The following NME7 variants were observed in gnomAD, a reference collection of about 807,000 sequenced individuals.
NME7 encodes the protein NME/NM23 family member 7, also known as nucleoside diphosphate kinase 7.
NME7 carries 41 observed loss-of-function variants against 49.1 expected under a neutral mutation model. The ratio of observed to expected loss-of-function variants is 0.83; its 90% CI spans 0.65 to 1.08. The LOEUF (loss-of-function observed/expected upper bound fraction) is 1.08, where lower values mean the gene tolerates loss of function less well. Among genes scored for constraint, NME7 ranks in the 50% least tolerant of loss-of-function variants. The probability of loss-of-function intolerance (pLI) is 0.00; values close to 1 mark genes in which losing one functional copy is unlikely to be tolerated. For synonymous variants in NME7, 139 were observed against 150.6 expected (o/e 0.92, Z 0.56); for missense variants, 423 against 463.4 (o/e 0.91, Z 0.80).
chr1:169,353,181 T>C (rs1653243940), intron 1 of NME7, among the ~76,000 whole-genome samples: 1 of 152,072 alleles, frequency 6.6e-6, no homozygotes, highest in Non-Finnish European at 1.5e-5. Context: ...AGCGTGGTAC[T>C]GGCATAAAAA....
chr1:169,136,562 C>T (rs970112994), intron 11 of NME7, among the ~76,000 whole-genome samples: 2 of 152,150 alleles, frequency 1.3e-5, no homozygotes, highest in African/African-American at 4.8e-5. Flanking sequence ...GAAATTTTTA[C>T]TTTTGTACTT....
intron 10 of NME7, among the ~76,000 whole-genome samples, chr1:169,207,363 A>C (rs957453393): frequency 1.3e-5 from 2 of 152,094 alleles, no homozygotes; most frequent in African/African-American, 2.4e-5. Context: ...GCTGAGAATC[A>C]CATTTCAATA....
rs10689301 is a variant in NME7 at position 169,150,763 on chromosome 1, G to GAAAAAAAAAA, written c.1099-17956_1099-17947dup. Among the ~76,000 whole-genome samples, 13 of 124,332 alleles carry GAAAAAAAAAA rather than the reference G, an allele frequency of 1.0e-4. 2 individuals carry two copies. The highest frequency in any genetic ancestry group is 2.1e-4 in the African/African-American group (7 of 33,014). 81.6% of individuals were successfully genotyped at this position (124,332 alleles called of 152,430 possible). On this transcript the variant is annotated intron_variant, in intron 11 of 11. Coordinates refer to ENST00000367811, the MANE Select transcript of NME7 (RefSeq NM_013330.5). The stretch of plus-strand genomic sequence containing the variant: ...ATGATGAGAAGAGAGGCTGGAAAAG[G>GAAAAAAAAAA]AAAAAAAAAAAAAAAAGAGGAGCAA...
chr1:169,142,061 T>C (rs1303634202), intron 11 of NME7, among the ~76,000 whole-genome samples: 1 of 152,184 alleles, frequency 6.6e-6, no homozygotes, highest in Non-Finnish European at 1.5e-5. Flanking sequence ...GAGGAGAAGC[T>C]GGGGATTTGA....
intron 7 of NME7, among the ~76,000 whole-genome samples, chr1:169,262,398 T>C (rs1011586299): frequency 7.4e-6 from 1 of 134,478 alleles, no homozygotes; most frequent in Admixed American, 7.3e-5. Flanking sequence ...CTTTTTAGCC[T>C]CTATTTCTTA....
rs376423733 is a variant in NME7 at position 169,310,110 on chromosome 1, A to T, written c.279-30T>A. Reference sequence around the variant, plus strand: ...AAGGAAACAAAAAATAAGTTTGCAAATAAAAATAGTTCAACAGTTTTTATT... The same window carrying T: ...AAGGAAACAAAAAATAAGTTTGCAATTAAAAATAGTTCAACAGTTTTTATT... On this transcript the variant is annotated intron_variant, in intron 3 of 11. Transcript: ENST00000367811. The T allele has an allele frequency of 1.1e-5, 15 of 1,340,004 alleles. No individual in the cohort carries two copies. In the East Asian group the frequency reaches 3.5e-4, roughly 31 times the overall value. The allele number at this position is 1,340,004 out of a possible 1,614,324, so 83.0% of individuals were successfully genotyped here. A position where few individuals can be genotyped will look rare whatever the true frequency, so the allele number is the denominator to read the frequency against.
intron 7 of NME7, among the ~76,000 whole-genome samples, chr1:169,278,323 C>A (rs974290691): frequency 6.6e-6 from 1 of 151,810 alleles, no homozygotes; most frequent in Non-Finnish European, 1.5e-5. Flanking sequence ...TTCAGGTACA[C>A]CAATCAGACA....
chr1:169,255,672 A>G (rs1337937994), intron 7 of NME7, among the ~76,000 whole-genome samples: 1 of 127,062 alleles, frequency 7.9e-6, no homozygotes, highest in African/African-American at 2.7e-5. Flanking sequence ...TGGTCTTTAC[A>G]TTTTGGCATG....
At chr1:169,270,121 T>A (rs1240304720) in intron 7 of NME7, among the ~76,000 whole-genome samples, 1 of 134,028 alleles carries the variant, frequency 7.5e-6, no homozygotes, top group African/African-American at 2.5e-5. Flanking sequence ...AATAATAGAA[T>A]AACTGGGTTT....
chr1:169,197,372 C>A (rs1278079684), intron 10 of NME7, among the ~76,000 whole-genome samples: 1 of 151,714 alleles, frequency 6.6e-6, no homozygotes, highest in Non-Finnish European at 1.5e-5. Flanking sequence ...GCTCTATAAT[C>A]ATGACTAAAA....
chr1:169,364,091 T>A (rs12057602), intron 1 of NME7, among the ~76,000 whole-genome samples: 20,329 of 152,262 alleles, frequency 0.13, 2,793 homozygotes, highest in East Asian at 0.79. Flanking sequence ...ATTTGCCCCC[T>A]ATTACTTTGT....
In NME7 at chr1:169,323,285, T is replaced by TA. The variant is rs1306606650; in HGVS notation, c.112-3dup. On this transcript the variant is annotated splice_polypyrimidine_tract_variant and splice_region_variant and intron_variant, in intron 2 of 11. Transcript: ENST00000367811. ...GGTGCGATGATTCTTTACATCATGCTAGAACCAGACACAACAATATAACAA... is the reference window on the plus strand; with the variant it reads ...GGTGCGATGATTCTTTACATCATGCTAAGAACCAGACACAACAATATAACAA... The TA allele has an allele frequency of 2.5e-6, 4 of 1,583,332 alleles. No individual in the cohort carries two copies. The Admixed American group carries it at 5.4e-5, about 22-fold the overall frequency.
At chr1:169,338,064 T>C (rs569774155) in intron 1 of NME7, among the ~76,000 whole-genome samples, 1 of 152,324 alleles carries the variant, frequency 6.6e-6, no homozygotes, top group Non-Finnish European at 1.5e-5. Flanking sequence ...ACTTAGCATT[T>C]CTCATTAATA....
intron 6 of NME7, among the ~76,000 whole-genome samples, chr1:169,294,813 G>A (rs540930248): frequency 7.2e-5 from 11 of 152,140 alleles, no homozygotes; most frequent in Non-Finnish European, 1.3e-4. Flanking sequence ...ATTTCTTTAG[G>A]TGAAATGGCA....
intron 10 of NME7, among the ~76,000 whole-genome samples, chr1:169,177,855 G>T (rs1269610694): frequency 6.6e-6 from 1 of 150,448 alleles, no homozygotes; most frequent in African/African-American, 2.5e-5. Context: ...TGTTTTTTTT[G>T]AGACAGAGTC....
At position 169,257,401 on chromosome 1, in the gene NME7, C is replaced by G. The variant is rs1648996930; in HGVS notation, c.755-19714G>C. Among the ~76,000 whole-genome samples the G allele has an allele frequency of 3.0e-5, 4 of 134,724 alleles. 1 individual carries two copies. In the South Asian group the frequency reaches 9.1e-4, roughly 31 times the overall value. 88.4% of individuals were successfully genotyped at this position (134,724 alleles called of 152,430 possible). On this transcript the variant is annotated intron_variant, in intron 7 of 11. Transcript: ENST00000367811. ...GACCCCTTGCGCTTCCCAAGTGAGGCAATGCCTCGCCCTGCTTCGGCTTGC... is the reference window on the plus strand; with the variant it reads ...GACCCCTTGCGCTTCCCAAGTGAGGGAATGCCTCGCCCTGCTTCGGCTTGC...
intron 10 of NME7, among the ~76,000 whole-genome samples, chr1:169,224,315 C>T (rs4656665): frequency 0.31 from 46,670 of 151,962 alleles, 7,757 homozygotes; most frequent in Non-Finnish European, 0.39. Flanking sequence ...TGCATAAGAT[C>T]GGGCACCCTA....
intron 9 of NME7, among the ~76,000 whole-genome samples, chr1:169,234,250 A>G (rs1647763181): frequency 1.3e-5 from 2 of 152,150 alleles, no homozygotes; most frequent in South Asian, 2.1e-4. Flanking sequence ...GTGTAGGATC[A>G]TTTGATTTCA....
intron 10 of NME7, among the ~76,000 whole-genome samples, chr1:169,170,589 G>A (rs1373702892): frequency 1.3e-5 from 2 of 151,912 alleles, no homozygotes; most frequent in Non-Finnish European, 2.9e-5. Context: ...TCTGTTCTCC[G>A]TAATTTTTCT....
Sources: gnomAD v4.1 joint callset for allele counts (sites outside exome capture counted in the v4.1 genomes callset) on GRCh38, gnomAD v4.1.1 for gene constraint, MANE v1.5 for transcripts, NCBI Gene and HGNC (gene_info 2026-07-23, HGNC 2026-07-21) for gene names.